Variants in PERP observed in about 807,000 individuals in gnomAD.
PERP encodes p53 apoptosis effector related to PMP22.
A neutral mutation model predicts 20.3 loss-of-function variants in PERP; 11 were observed. That is an observed-to-expected ratio of 0.54 (90% confidence interval 0.34 to 0.90). The LOEUF (loss-of-function observed/expected upper bound fraction) is 0.90. PERP is among the 40% of genes least tolerant of loss of function. PERP has a pLI of 0.02. For synonymous variants in PERP, 101 were observed against 102.0 expected (o/e 0.99, Z 0.06); for missense variants, 224 against 249.4 (o/e 0.90, Z 0.69).
chr6:138,107,360 C>T lies in PERP; in HGVS notation c.-20G>A. 1.3e-6 allele frequency: 2 copies of T among 1,568,538 alleles called. No homozygotes were observed. The highest frequency in any genetic ancestry group is 1.7e-6 in the Non-Finnish European group (2 of 1,163,554). On this transcript the variant is annotated 5_prime_UTR_variant, in exon 1 of 3. Transcript: ENST00000421351. This position sits in a 1 kb window ranked among gnomAD's most constrained non-coding sequence, Gnocchi z 4.8. Reference sequence around the variant, plus strand: ...GATCATGTTGACGGGCGGCGCGGGGCCGAGCGGAGCGGAGCGGAGCGGGTC... The same window carrying T: ...GATCATGTTGACGGGCGGCGCGGGGTCGAGCGGAGCGGAGCGGAGCGGGTC...
In PERP at chr6:138,089,411, C is replaced by T. The variant is rs1029093652; in HGVS notation, c.*2631G>A. ...AGCTAAGTTATTACACACAAGCTAC[C>T]TTGTGTGAACATGGAAAGACCTTGA... On this transcript the variant is annotated 3_prime_UTR_variant, in exon 3 of 3. Coordinates refer to ENST00000421351, the MANE Select transcript of PERP (RefSeq NM_022121.5). The T allele has an allele frequency of 6.6e-6, 1 of 152,138 alleles. No individual in the cohort carries two copies. The highest frequency in any genetic ancestry group is 2.4e-5 in the African/African-American group (1 of 41,394). The allele number at this position is 152,138 out of a possible 1,614,324, so 9.4% of individuals were successfully genotyped here.
In PERP at chr6:138,090,297, C is replaced by T. The variant is rs1775557065; in HGVS notation, c.*1745G>A. The T allele has an allele frequency of 6.6e-6, 1 of 152,106 alleles. No individual in the cohort carries two copies. Among genetic ancestry groups the T allele is most frequent in the African/African-American group, 2.4e-5 (1 of 41,380 alleles). The allele number at this position is 152,106 out of a possible 1,614,324, so 9.4% of individuals were successfully genotyped here. A position where few individuals can be genotyped will look rare whatever the true frequency, so the allele number is the denominator to read the frequency against. On this transcript the variant is annotated 3_prime_UTR_variant, in exon 3 of 3. Transcript: ENST00000421351. ...CCCACCCAGCCTCTCTGCACCCATCCTCACAATGACATACACCATAGTGGA... is the reference window on the plus strand; with the variant it reads ...CCCACCCAGCCTCTCTGCACCCATCTTCACAATGACATACACCATAGTGGA...
chr6:138,095,633 G>A (rs1056565455), intron 2 of PERP, among the ~76,000 whole-genome samples: 3 of 152,180 alleles, frequency 2.0e-5, no homozygotes, highest in Non-Finnish European at 4.4e-5. Context: ...TGCTCAGAAA[G>A]TCCAGTTTTA....
chr6:138,092,818 A>C (rs1052144144), intron 2 of PERP, among the ~76,000 whole-genome samples: 10 of 152,196 alleles, frequency 6.6e-5, no homozygotes, highest in African/African-American at 2.2e-4. Flanking sequence ...GAGAATGATC[A>C]AGGGGAGAAT....
intron 2 of PERP, among the ~76,000 whole-genome samples, chr6:138,094,920 C>G (rs1775654863): frequency 6.6e-6 from 1 of 152,058 alleles, no homozygotes; most frequent in African/African-American, 2.4e-5. Context: ...GGGGTTTCAC[C>G]ATGTTGGCCA....
rs927383249 is a variant in PERP, at chr6:138,107,061, GC to G, written c.214+65del. The G allele has an allele frequency of 6.7e-7, 1 of 1,495,364 alleles. No homozygotes were observed. The highest frequency in any genetic ancestry group is 1.4e-5 in the African/African-American group (1 of 71,080). The allele number at this position is 1,495,364 out of a possible 1,614,324, so 92.6% of individuals were successfully genotyped here. A position where few individuals can be genotyped will look rare whatever the true frequency, so the allele number is the denominator to read the frequency against. On this transcript the variant is annotated intron_variant, in intron 1 of 2. Coordinates refer to ENST00000421351, the MANE Select transcript of PERP (RefSeq NM_022121.5). This position sits in a 1 kb window ranked among gnomAD's most constrained non-coding sequence, Gnocchi z 4.8. ...CTGTGAGGGCCCATCACGCGCGGCG[GC>G]TTTTGCAGGCCGCGGCCCCGAGGGC... is the stretch of plus-strand genomic sequence containing the variant.
rs187014351 is a variant in PERP, at chr6:138,091,945, A to G, written c.*97T>C. 445 of 1,090,764 alleles carry G rather than the reference A, an allele frequency of 4.1e-4. 1 individual carries two copies. In the African/African-American group the frequency reaches 5.9e-3, roughly 14 times the overall value. The allele number at this position is 1,090,764 out of a possible 1,614,324, so 67.6% of individuals were successfully genotyped here. On this transcript the variant is annotated 3_prime_UTR_variant, in exon 3 of 3. Coordinates refer to ENST00000421351, the MANE Select transcript of PERP (RefSeq NM_022121.5). ...TTTTGACTAGTTTAATAATATGAACACTGCCAAAAAATGGGTTCAAAGTCG... is the reference window on the plus strand; with the variant it reads ...TTTTGACTAGTTTAATAATATGAACGCTGCCAAAAAATGGGTTCAAAGTCG...
chr6:138,093,165 C>T (rs1243506543), intron 2 of PERP, among the ~76,000 whole-genome samples: 1 of 152,098 alleles, frequency 6.6e-6, no homozygotes, highest in Non-Finnish European at 1.5e-5. Context: ...CATGTGTGTT[C>T]TGCATCATTT....
intron 2 of PERP, among the ~76,000 whole-genome samples, chr6:138,093,648 A>G (rs970809438): frequency 2.0e-5 from 3 of 152,134 alleles, no homozygotes; most frequent in African/African-American, 7.2e-5. Flanking sequence ...TAAATATTAA[A>G]TATTGCTATT....
At position 138,092,016 on chromosome 6, in the gene PERP, G is replaced by A. The variant is rs138161541; in HGVS notation, c.*26C>T. ...TTCTGGAGTCCATCTCAGCAGCAGC[G>A]ATTTTCTCCCACATTCATTCCCAAG... is the stretch of plus-strand genomic sequence containing the variant. On this transcript the variant is annotated 3_prime_UTR_variant, in exon 3 of 3. Transcript: ENST00000421351. 1,725 of 1,598,336 alleles carry A rather than the reference G, an allele frequency of 1.1e-3. 15 individuals carry two copies. The African/African-American group carries it at 0.016, about 15-fold the overall frequency.
rs1043493876 is a variant in PERP at position 138,107,287 on chromosome 6, G to C, written c.54C>G (p.Leu18=). The C allele has an allele frequency of 3.1e-6, 5 of 1,610,114 alleles. No homozygotes were observed. Among genetic ancestry groups the C allele is most frequent in the Admixed American group, 1.7e-5 (1 of 59,980 alleles). ...TGTCGAAGGCGATGGCGCTGAGTAG[G>C]AGCAGGGGCAGGATCCAGCGGCAGC... ...CERCRWILPL[L]LLSAIAFDII... Residue 18 remains leucine (L), a synonymous_variant, in exon 1 of 3, where the codon CTC becomes CTG. Transcript: ENST00000421351. The surrounding 1 kb of genome is among the most constrained non-coding windows in gnomAD (Gnocchi z 4.8).
Position 138,096,492 on chromosome 6 carries a change from A to C in PERP, c.217T>G (p.Trp73Gly), listed in dbSNP as rs761277852. 6.2e-7 allele frequency: 1 copy of C among 1,605,644 alleles called. No homozygotes were observed. The highest frequency in any genetic ancestry group is 1.1e-5 in the South Asian group (1 of 89,268). ...AGCATGGCAGCCGCTGCTCTACCCC[A>C]CGCTGCAAGAAAAAAAGAAACAGCA... Reference protein sequence around the residue: ...EGCQSLMEYAWGRAAAAMLFC... With the variant: ...EGCQSLMEYAGGRAAAAMLFC... Residue 73 changes from tryptophan (W) to glycine (G), a missense_variant and splice_region_variant, in exon 2 of 3, where the codon TGG (tryptophan) becomes GGG (glycine). Trp to Gly is a radical substitution (Grantham distance 184, BLOSUM62 -2). Coordinates refer to ENST00000421351, the MANE Select transcript of PERP (RefSeq NM_022121.5).
At chr6:138,096,995 G>A (rs1360042525) in intron 1 of PERP, among the ~76,000 whole-genome samples, 1 of 151,856 alleles carries the variant, frequency 6.6e-6, no homozygotes, top group African/African-American at 2.4e-5. Flanking sequence ...TTATGACTAG[G>A]CAGAGGTGTT....
In PERP at chr6:138,091,967, G is replaced by T. The variant is rs1775590687; in HGVS notation, c.*75C>A. The T allele has an allele frequency of 2.1e-6, 3 of 1,411,500 alleles. No homozygotes were observed. The highest frequency in any genetic ancestry group is 2.9e-6 in the Non-Finnish European group (3 of 1,033,658). 87.4% of individuals were successfully genotyped at this position (1,411,500 alleles called of 1,614,324 possible). A position where few individuals can be genotyped will look rare whatever the true frequency, so the allele number is the denominator to read the frequency against. ...AACACTGCCAAAAAATGGGTTCAAAGTCGCCTGGAGAAACAGTTTCTTCTT... is the reference window on the plus strand; with the variant it reads ...AACACTGCCAAAAAATGGGTTCAAATTCGCCTGGAGAAACAGTTTCTTCTT... On this transcript the variant is annotated 3_prime_UTR_variant, in exon 3 of 3. Coordinates refer to ENST00000421351, the MANE Select transcript of PERP (RefSeq NM_022121.5).
chr6:138,091,928 A>T lies in PERP; in HGVS notation c.*114T>A. On this transcript the variant is annotated 3_prime_UTR_variant, in exon 3 of 3. Transcript: ENST00000421351. ...CCAAATTATTTTAGCATTTTTGACT[A>T]GTTTAATAATATGAACACTGCCAAA... is the stretch of plus-strand genomic sequence containing the variant. 1.3e-6 allele frequency: 1 copy of T among 782,980 alleles called. No homozygotes were observed. Among genetic ancestry groups the T allele is most frequent in the Non-Finnish European group, 2.0e-6 (1 of 496,108 alleles). 48.5% of individuals were successfully genotyped at this position (782,980 alleles called of 1,614,324 possible).
At position 138,107,152 on chromosome 6, in the gene PERP, C is replaced by T. The variant is rs1775857164; in HGVS notation, c.189G>A (p.Glu63=). ...CGTACTCCATGAGGCTCTGACAGCC[C>T]TCCTCGTAGGACCCGCTGCCGCCGC... is the stretch of plus-strand genomic sequence containing the variant. The part of the protein sequence containing the change: ...QEGGGSGSYE[E]GCQSLMEYAW... The change falls in exon 1 of 3, where the codon GAG becomes GAA. Residue 63 remains glutamate, a synonymous_variant. Coordinates refer to ENST00000421351, the MANE Select transcript of PERP (RefSeq NM_022121.5). The surrounding 1 kb of genome is among the most constrained non-coding windows in gnomAD (Gnocchi z 4.8). The T allele has an allele frequency of 1.2e-6, 2 of 1,610,668 alleles. No homozygotes were observed. The highest frequency in any genetic ancestry group is 1.3e-5 in the African/African-American group (1 of 74,852).
chr6:138,090,817 A>C lies in PERP; in HGVS notation c.*1225T>G, dbSNP rs1279854145. The C allele has an allele frequency of 1.3e-5, 2 of 152,628 alleles. No individual in the cohort carries two copies. The highest frequency in any genetic ancestry group is 2.9e-5 in the Non-Finnish European group (2 of 68,048). The allele number at this position is 152,628 out of a possible 1,614,324, so 9.5% of individuals were successfully genotyped here. On this transcript the variant is annotated 3_prime_UTR_variant, in exon 3 of 3. Coordinates refer to ENST00000421351, the MANE Select transcript of PERP (RefSeq NM_022121.5). ...ATACCTGGTTTATTGGGAAAACTTC[A>C]TAATGAAAACTACAATTAGCTTTTT...
At chr6:138,099,339 T>C (rs1485299149) in intron 1 of PERP, among the ~76,000 whole-genome samples, 1 of 152,258 alleles carries the variant, frequency 6.6e-6, no homozygotes, top group Non-Finnish European at 1.5e-5. Context: ...CTCATTTCTT[T>C]AGTTTTTTTT....
intron 1 of PERP, among the ~76,000 whole-genome samples, chr6:138,106,903 C>CTTTTTTTTTTTTTTTTTTTT (rs577977770): frequency 9.7e-5 from 13 of 134,440 alleles, no homozygotes; most frequent in East Asian, 4.8e-4. Context: ...GAACTACGGC[C>CTTTTTTTTTTTTTTTTTTTT]TTTTTTTTTT....
Sources: allele counts gnomAD v4.1 joint callset (sites outside exome capture counted in the v4.1 genomes callset), GRCh38; gene constraint gnomAD v4.1.1; non-coding constraint Gnocchi (gnomAD v3.1); transcripts MANE v1.5; gene names NCBI Gene and HGNC (gene_info 2026-07-23, HGNC 2026-07-21).